AUTS2: variants seen among roughly 807,000 people sequenced by gnomAD.
The protein encoded by AUTS2 is autism susceptibility gene 2 protein.
AUTS2 carries 17 observed loss-of-function variants against 112.4 expected under a neutral mutation model. The observed-to-expected ratio is 0.15, with a 90% CI of 0.10 to 0.23. The LOEUF is 0.23. Ranked by LOEUF, AUTS2 falls within the 10% of genes least tolerant of loss-of-function variation. The pLI is 1.00. For synonymous variants in AUTS2, 751 were observed against 702.7 expected (o/e 1.07, Z -1.09); for missense variants, 1,510 against 1,701.6 (o/e 0.89, Z 1.98).
rs139327859 is a variant in AUTS2 at position 70,284,770 on chromosome 7, G to T, written c.660+150199G>T. Among the ~76,000 whole-genome samples the T allele has an allele frequency of 2.0e-3, 306 of 152,196 alleles. 2 individuals carry two copies. The highest frequency in any genetic ancestry group is 3.4e-3 in the Middle Eastern group (1 of 294). Reference sequence around the variant, plus strand: ...GAAAATAACTGTGATGTAGAGATGGGGTCTGGCCCACTTTCAGCTGGTCTA... The same window carrying T: ...GAAAATAACTGTGATGTAGAGATGGTGTCTGGCCCACTTTCAGCTGGTCTA... On this transcript the variant is annotated intron_variant, in intron 4 of 18. Coordinates refer to ENST00000342771, the MANE Select transcript of AUTS2 (RefSeq NM_015570.4).
chr7:70,114,853 T>A (rs1456450956), intron 2 of AUTS2, among the ~76,000 whole-genome samples: 4 of 152,202 alleles, frequency 2.6e-5, no homozygotes, highest in Admixed American at 6.5e-5. Context: ...AATGAATACT[T>A]CTTTGCCTGA....
intron 4 of AUTS2, among the ~76,000 whole-genome samples, chr7:70,382,203 T>C (rs1028033463): frequency 2.0e-5 from 3 of 152,224 alleles, no homozygotes; most frequent in African/African-American, 4.8e-5. Flanking sequence ...GCTGTCCTTG[T>C]TGAATCTCTA....
rs1218324713 is a variant in AUTS2 at position 70,699,752 on chromosome 7, G to T, written c.742+1132G>T. Among the ~76,000 whole-genome samples the T allele has an allele frequency of 2.6e-5, 4 of 152,104 alleles. No homozygotes were observed. The East Asian group carries it at 5.8e-4, about 22-fold the overall frequency. ...ATATTTTCTGATGGACTGAAAGTTTGTATAAATGTGTTATCCATAATGCTA... is the reference window on the plus strand; with the variant it reads ...ATATTTTCTGATGGACTGAAAGTTTTTATAAATGTGTTATCCATAATGCTA... On this transcript the variant is annotated intron_variant, in intron 6 of 18. Coordinates refer to ENST00000342771, the MANE Select transcript of AUTS2 (RefSeq NM_015570.4).
At chr7:70,665,214 C>T (rs1314157781) in intron 5 of AUTS2, among the ~76,000 whole-genome samples, 4 of 152,170 alleles carry the variant, frequency 2.6e-5, no homozygotes, top group Non-Finnish European at 5.9e-5. Flanking sequence ...TTTCCTACCA[C>T]TTCTAACATT....
chr7:69,927,186 T>TTATTTA (rs1554406151), intron 2 of AUTS2, among the ~76,000 whole-genome samples: 3 of 142,410 alleles, frequency 2.1e-5, no homozygotes, highest in Admixed American at 1.4e-4. Flanking sequence ...TCCAATATAT[T>TTATTTA]TATATATATA....
At chr7:70,411,394 C>T (rs112640310) in intron 4 of AUTS2, among the ~76,000 whole-genome samples, 2,630 of 152,194 alleles carry the variant, frequency 0.017, 83 homozygotes, top group African/African-American at 0.06. Flanking sequence ...AGTCTCAAGA[C>T]AGGTAAATCC....
rs151136637 is a variant in AUTS2 at position 70,336,576 on chromosome 7, T to C, written c.661-99176T>C. 2.4e-3 allele frequency among the ~76,000 whole-genome samples: 370 copies of C among 152,324 alleles called. 1 individual carries two copies. The highest frequency in any genetic ancestry group is 4.1e-3 in the Non-Finnish European group (279 of 68,030). Reference sequence around the variant, plus strand: ...TGCTTTCTACTTTTAGCTTTATGTTTTGCACTATTTTTGAATTATATCAAT... The same window carrying C: ...TGCTTTCTACTTTTAGCTTTATGTTCTGCACTATTTTTGAATTATATCAAT... On this transcript the variant is annotated intron_variant, in intron 4 of 18. Coordinates refer to ENST00000342771, the MANE Select transcript of AUTS2 (RefSeq NM_015570.4).
intron 4 of AUTS2, among the ~76,000 whole-genome samples, chr7:70,349,349 A>AG (rs35343280): frequency 0.31 from 46,663 of 152,068 alleles, 7,708 homozygotes; most frequent in African/African-American, 0.43. Context: ...TTAAAGTAAA[A>AG]CCAGGATTTA....
chr7:70,297,426 ATTTTTTT>A (rs764795939), intron 4 of AUTS2, among the ~76,000 whole-genome samples: 1 of 136,434 alleles, frequency 7.3e-6, no homozygotes, highest in African/African-American at 2.7e-5. Context: ...GAGGAAGATA[ATTTTTTT>A]TTTTTTTTTT....
chr7:70,064,901 T>C (rs1299365307), intron 2 of AUTS2, among the ~76,000 whole-genome samples: 1 of 152,218 alleles, frequency 6.6e-6, no homozygotes, highest in Admixed American at 6.5e-5. Flanking sequence ...ACTTTGTCTG[T>C]GGGTTACATG....
In AUTS2 at chr7:70,549,891, T is replaced by TCATCTTCATGTCTAC. The variant is rs1308329870; in HGVS notation, c.690+114110_690+114111insCATCTTCATGTCTAC. ...AACCCACTGGAAGATCTCTGGTCTA[T>TCATCTTCATGTCTAC]ACAGAACCTCATCTTCATGTCTACC... On this transcript the variant is annotated intron_variant, in intron 5 of 18. Transcript: ENST00000342771. 2.6e-5 allele frequency among the ~76,000 whole-genome samples: 4 copies of TCATCTTCATGTCTAC among 152,222 alleles called. No individual in the cohort carries two copies. The East Asian group carries it at 7.7e-4, about 29-fold the overall frequency.
intron 5 of AUTS2, among the ~76,000 whole-genome samples, chr7:70,651,702 G>A (rs986552625): frequency 3.3e-5 from 5 of 152,140 alleles, no homozygotes; most frequent in East Asian, 3.8e-4. Context: ...GCATAAAGTC[G>A]AAAAATCGTA....
At chr7:70,711,578 G>A (rs763569979) in intron 6 of AUTS2, among the ~76,000 whole-genome samples, 2 of 152,174 alleles carry the variant, frequency 1.3e-5, no homozygotes, top group Non-Finnish European at 1.5e-5. Flanking sequence ...AAGAGTCCAC[G>A]GCAGTAACAG....
chr7:70,533,352 G>A (rs1206613022), intron 5 of AUTS2, among the ~76,000 whole-genome samples: 10 of 152,074 alleles, frequency 6.6e-5, no homozygotes, highest in East Asian at 1.9e-4. Context: ...GGGCACACGC[G>A]ATCCTCACAC....
chr7:69,904,338 G>T (rs1043749480), intron 2 of AUTS2, among the ~76,000 whole-genome samples: 4 of 152,146 alleles, frequency 2.6e-5, no homozygotes, highest in African/African-American at 9.7e-5. Context: ...TTGCAAAGGA[G>T]GATTTATAAT....
intron 2 of AUTS2, among the ~76,000 whole-genome samples, chr7:70,060,082 T>C (rs909307645): frequency 2.6e-5 from 4 of 152,218 alleles, no homozygotes; most frequent in African/African-American, 9.6e-5. Context: ...CAAGGTCATT[T>C]CCTATATAAA....
intron 5 of AUTS2, among the ~76,000 whole-genome samples, chr7:70,495,608 A>G (rs1369040231): frequency 6.6e-6 from 1 of 150,516 alleles, no homozygotes; most frequent in African/African-American, 2.5e-5. Flanking sequence ...CACACACACC[A>G]CGTACACAGT....
At chr7:70,151,041 A>G (rs1486817224) in intron 4 of AUTS2, among the ~76,000 whole-genome samples, 2 of 152,152 alleles carry the variant, frequency 1.3e-5, no homozygotes, top group African/African-American at 2.4e-5. Context: ...CCAGGCCTCC[A>G]TGCAGGGCAG....
At chr7:69,655,080 A>G (rs1795462145) in intron 1 of AUTS2, among the ~76,000 whole-genome samples, 1 of 152,196 alleles carries the variant, frequency 6.6e-6, no homozygotes, top group South Asian at 2.1e-4. Flanking sequence ...CAGCACCAGC[A>G]TCAGTTGATG....
Sources: allele counts gnomAD v4.1 joint callset (sites outside exome capture counted in the v4.1 genomes callset), GRCh38; gene constraint gnomAD v4.1.1; transcripts MANE v1.5; gene names NCBI Gene and HGNC (gene_info 2026-07-23, HGNC 2026-07-21).